Variants in SIRT1 observed in about 807,000 individuals in gnomAD.
SIRT1 encodes the protein sirtuin 1.
In SIRT1, 24 loss-of-function variants were observed where a neutral mutation model predicts 67.9. That is an observed-to-expected ratio of 0.35 (90% CI 0.26 to 0.50). The LOEUF is 0.50. Ranked by LOEUF, SIRT1 falls within the 20% of genes least tolerant of loss-of-function variation. The pLI is 0.98. For missense variants in SIRT1, 873 were observed against 937.2 expected (o/e 0.93, Z 0.89); for synonymous variants, 378 against 350.7 (o/e 1.08, Z -0.87).
intron 1 of SIRT1, among the ~76,000 whole-genome samples, chr10:67,886,401 T>C (rs1020597384): frequency 6.6e-6 from 1 of 151,902 alleles, no homozygotes; most frequent in African/African-American, 2.4e-5. Context: ...CAGGCCAGCC[T>C]GGGCAACATA....
intron 4 of SIRT1, among the ~76,000 whole-genome samples, chr10:67,902,787 T>C (rs1842763130): frequency 6.6e-6 from 1 of 152,176 alleles, no homozygotes; most frequent in South Asian, 2.1e-4. Context: ...TCTCTAAAAA[T>C]TCTGATTTTT....
At chr10:67,904,203 T>A (rs1842787739) in intron 4 of SIRT1, among the ~76,000 whole-genome samples, 1 of 150,304 alleles carries the variant, frequency 6.7e-6, no homozygotes, top group African/African-American at 2.4e-5. Flanking sequence ...CATAGCTCAC[T>A]GGAACCTCTA....
intron 2 of SIRT1, among the ~76,000 whole-genome samples, chr10:67,887,852 A>G (rs941308957): frequency 9.9e-5 from 15 of 152,238 alleles, no homozygotes. Flanking sequence ...CTGGGATTAC[A>G]GGCATGTGCC....
intron 6 of SIRT1, among the ~76,000 whole-genome samples, chr10:67,908,872 A>T (rs950829152): frequency 1.9e-4 from 29 of 152,226 alleles, no homozygotes; most frequent in African/African-American, 6.3e-4. Context: ...ACTTCACTCC[A>T]GGCTGGGCAA....
chr10:67,904,123 G>GTTTTTTTTTTTTT (rs1262495636), intron 4 of SIRT1, among the ~76,000 whole-genome samples: 8 of 115,450 alleles, frequency 6.9e-5, no homozygotes, highest in Non-Finnish European at 1.4e-4. Flanking sequence ...AGTTTTTTTT[G>GTTTTTTTTTTTTT]TTTGTTTTTT....
At chr10:67,902,775 A>C (rs1842762961) in intron 4 of SIRT1, among the ~76,000 whole-genome samples, 1 of 152,190 alleles carries the variant, frequency 6.6e-6, no homozygotes, top group Admixed American at 6.5e-5. Context: ...ATTTTGATGA[A>C]TTCTCTAAAA....
intron 4 of SIRT1, among the ~76,000 whole-genome samples, chr10:67,894,512 A>G (rs1842622584): frequency 6.6e-6 from 1 of 152,192 alleles, no homozygotes; most frequent in South Asian, 2.1e-4. Context: ...GGACACTGGC[A>G]TTTATAAAAT....
Position 67,907,037 on chromosome 10 carries a change from T to C in SIRT1, c.1090+100T>C, listed in dbSNP as rs969109658. 6 of 1,051,252 alleles carry C rather than the reference T, an allele frequency of 5.7e-6. No homozygotes were observed. In the African/African-American group the frequency reaches 8.4e-5, roughly 15 times the overall value. The allele number at this position is 1,051,252 out of a possible 1,614,324, so 65.1% of individuals were successfully genotyped here. A position where few individuals can be genotyped will look rare whatever the true frequency, so the allele number is the denominator to read the frequency against. On this transcript the variant is annotated intron_variant, in intron 5 of 8. Transcript: ENST00000212015. ...CCATCGAGAAGTGGAGATAAAGCAT[T>C]ATTTAATCATGTTATCTCATTTATC...
At chr10:67,914,879 ATTTTTT>A (rs11309410) in intron 8 of SIRT1, among the ~76,000 whole-genome samples, 1 of 120,384 alleles carries the variant, frequency 8.3e-6, no homozygotes. Flanking sequence ...ATGCTCAGCT[ATTTTTT>A]TTTTTTTTTT....
At chr10:67,885,885 A>G (rs1842470307) in intron 1 of SIRT1, among the ~76,000 whole-genome samples, 1 of 151,712 alleles carries the variant, frequency 6.6e-6, no homozygotes, top group African/African-American at 2.4e-5. Context: ...ACACAAACTT[A>G]ACACTTCTAG....
At chr10:67,889,480 A>G (rs530431059) in intron 3 of SIRT1, among the ~76,000 whole-genome samples, 1 of 152,336 alleles carries the variant, frequency 6.6e-6, no homozygotes, top group South Asian at 2.1e-4. Flanking sequence ...GATCTTTATG[A>G]GAAACTGGAA....
At chr10:67,894,595 A>G (rs1311070043) in intron 4 of SIRT1, among the ~76,000 whole-genome samples, 3 of 152,176 alleles carry the variant, frequency 2.0e-5, no homozygotes, top group African/African-American at 4.8e-5. Flanking sequence ...TCTTAAATCA[A>G]CTACAAAAAA....
chr10:67,916,431 A>G lies in SIRT1; in HGVS notation c.2082A>G (p.Glu694=). The change falls in exon 9 of 9, where the codon GAA becomes GAG. Residue 694 remains glutamate, a synonymous_variant. Coordinates refer to ENST00000212015, the MANE Select transcript of SIRT1 (RefSeq NM_012238.5). ...SLEEPMEDES[E]IEEFYNGLED... Reference sequence around the variant, plus strand: ...AAGAACCCATGGAGGATGAAAGTGAAATTGAAGAATTCTACAATGGCTTAG... The same window carrying G: ...AAGAACCCATGGAGGATGAAAGTGAGATTGAAGAATTCTACAATGGCTTAG... 6.2e-7 allele frequency: 1 copy of G among 1,614,198 alleles called. No individual in the cohort carries two copies. The highest frequency in any genetic ancestry group is 8.5e-7 in the Non-Finnish European group (1 of 1,180,024).
intron 8 of SIRT1, among the ~76,000 whole-genome samples, chr10:67,915,358 T>C (rs10997874): frequency 0.014 from 2,153 of 152,306 alleles, 34 homozygotes; most frequent in African/African-American, 0.048. Context: ...AGAAAACTTT[T>C]CCATCAGTTT....
intron 3 of SIRT1, among the ~76,000 whole-genome samples, chr10:67,889,973 A>G (rs1229132489): frequency 7.2e-6 from 1 of 139,602 alleles, no homozygotes; most frequent in Non-Finnish European, 1.5e-5. Context: ...AATATTATAC[A>G]CCTTTTTTTT....
At chr10:67,890,029 G>C (rs1842544537) in intron 3 of SIRT1, among the ~76,000 whole-genome samples, 1 of 151,162 alleles carries the variant, frequency 6.6e-6, no homozygotes, top group Non-Finnish European at 1.5e-5. Flanking sequence ...GCCCTGGCTG[G>C]AGTGCAGTGG....
chr10:67,888,659 A>G (rs1166759472), intron 2 of SIRT1, among the ~76,000 whole-genome samples: 2 of 152,170 alleles, frequency 1.3e-5, no homozygotes, highest in Non-Finnish European at 2.9e-5. Context: ...CTTGAAATAT[A>G]TACTTACAGC....
At position 67,888,849 on chromosome 10, in the gene SIRT1, A is replaced by T. The variant is rs778104389; in HGVS notation, c.548-33A>T. ...AAATGAGATTTTGAATTACTTGATAAGTTGACTTTAAGCCTTTTCCCCCTT... is the reference window on the plus strand; with the variant it reads ...AAATGAGATTTTGAATTACTTGATATGTTGACTTTAAGCCTTTTCCCCCTT... On this transcript the variant is annotated intron_variant, in intron 2 of 8. Coordinates refer to ENST00000212015, the MANE Select transcript of SIRT1 (RefSeq NM_012238.5). The T allele has an allele frequency of 5.1e-6, 8 of 1,559,012 alleles. No individual in the cohort carries two copies. In the East Asian group the frequency reaches 1.8e-4, roughly 35 times the overall value.
chr10:67,906,207 CA>C, intron 4 of SIRT1: 1 of 1,469,672 alleles, frequency 6.8e-7, no homozygotes, highest in Non-Finnish European at 9.0e-7. Context: ...AACACACACA[CA>C]AAATCCAGCA....
Sources: gnomAD v4.1 joint callset for allele counts (sites outside exome capture counted in the v4.1 genomes callset) on GRCh38, gnomAD v4.1.1 for gene constraint, MANE v1.5 for transcripts, NCBI Gene and HGNC (gene_info 2026-07-23, HGNC 2026-07-21) for gene names.